Variants in TAS2R1 observed in about 807,000 individuals in gnomAD.
TAS2R1 encodes taste receptor type 2 member 1.
For missense variants in TAS2R1, 370 were observed against 353.4 expected (o/e 1.05, Z -0.38); for synonymous variants, 141 against 134.2 (o/e 1.05, Z -0.35).
chr5:9,808,496 C>T, the TAS2R1 span, among the ~76,000 whole-genome samples: 1 of 152,146 alleles, frequency 6.6e-6, no homozygotes, highest in South Asian at 2.1e-4. Context: ...AAATCCTTAG[C>T]CTATCCATAT....
the TAS2R1 span, among the ~76,000 whole-genome samples, chr5:9,809,647 G>A: frequency 6.6e-6 from 1 of 152,124 alleles, no homozygotes. Flanking sequence ...GTAGCAGAAT[G>A]AACAGATGAA....
the TAS2R1 span, among the ~76,000 whole-genome samples, chr5:9,766,856 T>G: frequency 3.4e-3 from 513 of 152,318 alleles, 1 homozygote; most frequent in Non-Finnish European, 6.3e-3. Context: ...GAACCTGTCA[T>G]AGCCAGGAGC....
At chr5:9,852,697 C>T in the TAS2R1 span, among the ~76,000 whole-genome samples, 1 of 152,160 alleles carries the variant, frequency 6.6e-6, no homozygotes, top group Non-Finnish European at 1.5e-5. Context: ...TAAAATGAGA[C>T]AGTCGGGCAA....
the TAS2R1 span, among the ~76,000 whole-genome samples, chr5:9,855,694 G>T: frequency 2.0e-5 from 3 of 152,212 alleles, no homozygotes; most frequent in African/African-American, 7.2e-5. Flanking sequence ...TTTGAGTATA[G>T]CATGGAACTA....
At chr5:9,716,088 T>C (rs1231877200), upstream of TAS2R1, among the ~76,000 whole-genome samples, 1 of 152,196 alleles carries the variant, frequency 6.6e-6, no homozygotes, top group Admixed American at 6.5e-5. Flanking sequence ...TTGGCTTCAA[T>C]ACAATGTGAC....
At chr5:9,797,182 C>T in the TAS2R1 span, among the ~76,000 whole-genome samples, 1 of 152,148 alleles carries the variant, frequency 6.6e-6, no homozygotes, top group Non-Finnish European at 1.5e-5. Context: ...GATGATTATG[C>T]CTCCTCCCCG....
the TAS2R1 span, among the ~76,000 whole-genome samples, chr5:9,818,677 T>C: frequency 1.3e-5 from 2 of 152,224 alleles, no homozygotes; most frequent in Admixed American, 1.3e-4. Context: ...CTTTTAAGCC[T>C]AGACCTGGAA....
chr5:9,825,017 G>T, the TAS2R1 span, among the ~76,000 whole-genome samples: 1 of 152,168 alleles, frequency 6.6e-6, no homozygotes, highest in Non-Finnish European at 1.5e-5. Flanking sequence ...AAACTGACTT[G>T]TGCAGTGTTC....
the TAS2R1 span, among the ~76,000 whole-genome samples, chr5:9,890,412 A>C: frequency 6.6e-6 from 1 of 152,080 alleles, no homozygotes; most frequent in South Asian, 2.1e-4. Context: ...TCCGCCTCAC[A>C]TCTCAGGGTC....
the TAS2R1 span, among the ~76,000 whole-genome samples, chr5:9,895,017 G>C: frequency 2.0e-5 from 3 of 152,222 alleles, no homozygotes; most frequent in South Asian, 2.1e-4. Context: ...TGGTAGGGAG[G>C]CTTCCTGATG....
chr5:9,861,126 T>G, the TAS2R1 span, among the ~76,000 whole-genome samples: 1 of 144,038 alleles, frequency 6.9e-6, no homozygotes, highest in Non-Finnish European at 1.5e-5. Flanking sequence ...ACAAATAGAT[T>G]TTACATTTTT....
At chr5:9,723,730 G>A in the TAS2R1 span, among the ~76,000 whole-genome samples, 2 of 152,374 alleles carry the variant, frequency 1.3e-5, no homozygotes, top group Non-Finnish European at 2.9e-5. Flanking sequence ...TGCACCTGGT[G>A]ATGCTAGTGA....
At chr5:9,786,208 G>A in the TAS2R1 span, among the ~76,000 whole-genome samples, 1 of 152,182 alleles carries the variant, frequency 6.6e-6, no homozygotes, top group Admixed American at 6.5e-5. Context: ...CTGAGTTGAG[G>A]GAGGACAGTG....
chr5:9,697,568 C>A (rs1741385259), intron 1 of TAS2R1, among the ~76,000 whole-genome samples: 1 of 152,038 alleles, frequency 6.6e-6, no homozygotes, highest in Non-Finnish European at 1.5e-5. Context: ...TAATCTGCCC[C>A]ATAAAGAATT....
the TAS2R1 span, among the ~76,000 whole-genome samples, chr5:9,719,406 C>A: frequency 1.3e-5 from 2 of 152,154 alleles, no homozygotes; most frequent in Admixed American, 1.3e-4. Context: ...AACAAAAAAC[C>A]TAGAAGCAAT....
chr5:9,772,712 T>C, the TAS2R1 span, among the ~76,000 whole-genome samples: 1 of 152,132 alleles, frequency 6.6e-6, no homozygotes, highest in African/African-American at 2.4e-5. Context: ...AAAATTGTTA[T>C]ATACTCTTAT....
chr5:9,760,261 A>G, the TAS2R1 span, among the ~76,000 whole-genome samples: 1 of 152,366 alleles, frequency 6.6e-6, no homozygotes, highest in South Asian at 2.1e-4. Flanking sequence ...GAATTCTACC[A>G]AACATTTAAA....
chr5:9,653,764 A>G (rs1230074430), intron 2 of TAS2R1, among the ~76,000 whole-genome samples: 1 of 152,246 alleles, frequency 6.6e-6, no homozygotes, highest in East Asian at 1.9e-4. Flanking sequence ...TTACTGTCAT[A>G]GATTTTAATG....
the TAS2R1 span, among the ~76,000 whole-genome samples, chr5:9,739,195 C>T: frequency 0.11 from 16,797 of 152,172 alleles, 1,130 homozygotes; most frequent in Middle Eastern, 0.23. Context: ...GCTCCCTCAC[C>T]CCTACAAGTT....
Sources: allele counts gnomAD v4.1 joint callset (sites outside exome capture counted in the v4.1 genomes callset), GRCh38; gene constraint gnomAD v4.1.1; transcripts MANE v1.5; gene names NCBI Gene and HGNC (gene_info 2026-07-23, HGNC 2026-07-21).